GAS7: variants seen among roughly 807,000 people sequenced by gnomAD.
GAS7 encodes growth arrest specific 7.
A neutral mutation model predicts 71.1 loss-of-function variants in GAS7; 28 were observed. The ratio of observed to expected loss-of-function variants is 0.39; its 90% confidence interval spans 0.29 to 0.54. The LOEUF (loss-of-function observed/expected upper bound fraction) is 0.54. GAS7 is among the 20% of genes least tolerant of loss of function. GAS7 has a pLI of 0.62. For synonymous variants in GAS7, 258 were observed against 245.8 expected (o/e 1.05, Z -0.46); for missense variants, 436 against 627.8 (o/e 0.69, Z 3.27).
intron 1 of GAS7, among the ~76,000 whole-genome samples, chr17:10,047,642 G>A (rs1241685070): frequency 6.6e-6 from 1 of 152,088 alleles, no homozygotes; most frequent in Non-Finnish European, 1.5e-5. Flanking sequence ...AAGAAGCTGT[G>A]ATTTCTTTGA....
At chr17:10,167,218 C>T (rs551576678) in intron 1 of GAS7, among the ~76,000 whole-genome samples, 13 of 151,094 alleles carry the variant, frequency 8.6e-5, no homozygotes, top group Admixed American at 6.6e-5. Flanking sequence ...CCACCACGCC[C>T]GGCTAATTTT....
Position 10,192,594 on chromosome 17 carries a change from G to A in GAS7, c.183+5614C>T, listed in dbSNP as rs543332883. On this transcript the variant is annotated intron_variant, in intron 1 of 13. Transcript: ENST00000432992. Reference sequence around the variant, plus strand: ...AACAGACATCAGGGATCCACAGAGCGGTGAACAGATGTCAGGGATTCCCGC... The same window carrying A: ...AACAGACATCAGGGATCCACAGAGCAGTGAACAGATGTCAGGGATTCCCGC... Among the ~76,000 whole-genome samples the A allele has an allele frequency of 2.5e-4, 38 of 152,220 alleles. No individual in the cohort carries two copies. In the South Asian group the frequency reaches 5.0e-3, roughly 20 times the overall value.
At chr17:10,057,482 C>T (rs1372879663) in intron 1 of GAS7, among the ~76,000 whole-genome samples, 1 of 150,968 alleles carries the variant, frequency 6.6e-6, no homozygotes, top group East Asian at 2.0e-4. Flanking sequence ...TCTACCCGGC[C>T]GCCCCATCTG....
intron 3 of GAS7, among the ~76,000 whole-genome samples, chr17:9,976,585 C>T (rs149251776): frequency 4.6e-5 from 7 of 152,216 alleles, no homozygotes; most frequent in African/African-American, 1.7e-4. Context: ...TATCCCTGGC[C>T]GGCTCCTCAG....
chr17:10,174,650 C>T (rs975764915), intron 1 of GAS7, among the ~76,000 whole-genome samples: 2 of 151,936 alleles, frequency 1.3e-5, no homozygotes, highest in African/African-American at 4.8e-5. Context: ...TGAGATCGCA[C>T]CACTGCACTC....
intron 9 of GAS7, among the ~76,000 whole-genome samples, chr17:9,928,921 CACAGACTA>C (rs1444276408): frequency 3.9e-5 from 6 of 152,202 alleles, no homozygotes; most frequent in African/African-American, 1.4e-4. Context: ...GGATGACCGT[CACAGACTA>C]ACAGAGAACT....
intron 1 of GAS7, among the ~76,000 whole-genome samples, chr17:10,139,130 C>A (rs186375252): frequency 2.0e-5 from 3 of 152,294 alleles, no homozygotes; most frequent in Non-Finnish European, 2.9e-5. Flanking sequence ...CTATCTAAAA[C>A]CAACAGCCAG....
Position 10,120,782 on chromosome 17 carries a change from AC to A in GAS7, c.183+77425del, listed in dbSNP as rs1395150747. Among the ~76,000 whole-genome samples, 4 of 152,148 alleles carry A rather than the reference AC, an allele frequency of 2.6e-5. No individual in the cohort carries two copies. The East Asian group carries it at 7.7e-4, about 29-fold the overall frequency. On this transcript the variant is annotated intron_variant, in intron 1 of 13. Transcript: ENST00000432992. ...TCAGGAGGGCTGCTCAGGAGCCTGCACCCTCCAACAGCTTCCCACGTGGGCA... is the reference window on the plus strand; with the variant it reads ...TCAGGAGGGCTGCTCAGGAGCCTGCACCTCCAACAGCTTCCCACGTGGGCA...
At chr17:10,147,374 G>C (rs1017182155) in intron 1 of GAS7, among the ~76,000 whole-genome samples, 1 of 152,158 alleles carries the variant, frequency 6.6e-6, no homozygotes, top group African/African-American at 2.4e-5. Flanking sequence ...TCACAGCGAA[G>C]TATAATACAC....
chr17:10,196,803 C>T (rs575349311), intron 1 of GAS7, among the ~76,000 whole-genome samples: 2 of 152,288 alleles, frequency 1.3e-5, no homozygotes, highest in South Asian at 4.1e-4. Context: ...CAAGGAGGCC[C>T]CTTGCTTCTC....
intron 9 of GAS7, among the ~76,000 whole-genome samples, chr17:9,930,433 T>C (rs1597468588): frequency 2.0e-5 from 3 of 152,218 alleles, no homozygotes; most frequent in Admixed American, 6.5e-5. Flanking sequence ...ATACAACTCA[T>C]GTCTCCTCAC....
intron 1 of GAS7, among the ~76,000 whole-genome samples, chr17:10,140,162 T>C (rs891093408): frequency 1.3e-5 from 2 of 152,072 alleles, no homozygotes; most frequent in African/African-American, 4.8e-5. Context: ...CTGTAAAAAC[T>C]CTCTTTTAAA....
Position 10,049,609 on chromosome 17 carries a change from C to CTTTTTTT in GAS7, c.184-29719_184-29713dup, listed in dbSNP as rs1168627510. On this transcript the variant is annotated intron_variant, in intron 1 of 13. Transcript: ENST00000432992. ...TTTAAAACGTGTTTTGAAATTACTT[C>CTTTTTTT]TTTTTTTTTTTTTTTTTTTTTTTTT... 2.7e-4 allele frequency among the ~76,000 whole-genome samples: 19 copies of CTTTTTTT among 70,394 alleles called. 3 individuals are homozygous for CTTTTTTT. The South Asian group carries it at 3.3e-3, about 12-fold the overall frequency. The allele number at this position is 70,394 out of a possible 152,430, so 46.2% of individuals were successfully genotyped here. A position where few individuals can be genotyped will look rare whatever the true frequency, so the allele number is the denominator to read the frequency against.
rs915177193 is a variant in GAS7, at chr17:9,958,101, TA to T, written c.525+1100del. On this transcript the variant is annotated intron_variant, in intron 5 of 13. Transcript: ENST00000432992. ...CATCCCTAAGGCAGAGACCACCCAC[TA>T]CCCCCCATTTCCCCACTTGACAGTT... 2.6e-5 allele frequency among the ~76,000 whole-genome samples: 4 copies of T among 152,120 alleles called. 1 individual carries two copies. The highest frequency in any genetic ancestry group is 2.6e-4 in the Admixed American group (4 of 15,282).
chr17:10,152,561 A>T (rs2074174400), intron 1 of GAS7, among the ~76,000 whole-genome samples: 1 of 152,150 alleles, frequency 6.6e-6, no homozygotes, highest in Non-Finnish European at 1.5e-5. Context: ...CACAGCCAAG[A>T]TGTGACTCCA....
In GAS7 at chr17:9,959,186, C is replaced by A. The variant is rs1222815819; in HGVS notation, c.525+16G>T. 6.2e-7 allele frequency: 1 copy of A among 1,612,854 alleles called. No homozygotes were observed. Among genetic ancestry groups the A allele is most frequent in the Non-Finnish European group, 8.5e-7 (1 of 1,179,272 alleles). Reference sequence around the variant, plus strand: ...CTCGCAGCCCACCCTGAGGGCGCCCCTCGGGAGCCACTTACTGTGATGGTG... The same window carrying A: ...CTCGCAGCCCACCCTGAGGGCGCCCATCGGGAGCCACTTACTGTGATGGTG... On this transcript the variant is annotated intron_variant, in intron 5 of 13. Coordinates refer to ENST00000432992, the MANE Select transcript of GAS7 (RefSeq NM_201433.2). This position sits in a 1 kb window ranked among gnomAD's most constrained non-coding sequence, Gnocchi z 5.0.
chr17:10,067,985 G>C (rs552997416), intron 1 of GAS7, among the ~76,000 whole-genome samples: 136 of 152,276 alleles, frequency 8.9e-4, no homozygotes, highest in Non-Finnish European at 1.6e-3. Context: ...TGATATTATA[G>C]GTCCAAACCA....
intron 2 of GAS7, among the ~76,000 whole-genome samples, chr17:10,010,422 G>A (rs1256399897): frequency 6.6e-6 from 1 of 152,148 alleles, no homozygotes; most frequent in Non-Finnish European, 1.5e-5. Flanking sequence ...AAAGTGCTGG[G>A]TTTACAGGCA....
intron 1 of GAS7, among the ~76,000 whole-genome samples, chr17:10,062,438 T>C (rs997338893): frequency 6.6e-6 from 1 of 152,152 alleles, no homozygotes; most frequent in African/African-American, 2.4e-5. Flanking sequence ...TGAGCCGAGA[T>C]TGCGTCGCTG....
Sources: allele counts gnomAD v4.1 joint callset (sites outside exome capture counted in the v4.1 genomes callset), GRCh38; gene constraint gnomAD v4.1.1; non-coding constraint Gnocchi (gnomAD v3.1); transcripts MANE v1.5; gene names NCBI Gene and HGNC (gene_info 2026-07-23, HGNC 2026-07-21).